SEZ6L: variants seen among roughly 807,000 people sequenced by gnomAD.
SEZ6L encodes the protein seizure 6-like protein.
SEZ6L carries 37 observed loss-of-function variants against 106.2 expected under a neutral mutation model. The ratio of observed to expected loss-of-function variants is 0.35; its 90% confidence interval spans 0.27 to 0.46. SEZ6L has a LOEUF of 0.46. Among genes scored for constraint, SEZ6L ranks in the 20% least tolerant of loss-of-function variants. SEZ6L has a pLI of 1.00. For missense variants in SEZ6L, 1,172 were observed against 1,332.8 expected, an observed-to-expected ratio of 0.88 and a Z score of 1.88; for synonymous variants, 541 against 570.4, an observed-to-expected ratio of 0.95 and a Z score of 0.73.
intron 3 of SEZ6L, among the ~76,000 whole-genome samples, chr22:26,295,904 A>C (rs769953573): frequency 6.6e-6 from 1 of 152,192 alleles, no homozygotes; most frequent in African/African-American, 2.4e-5. Context: ...CAATCAGGGA[A>C]GGTCTCATAG....
chr22:26,284,383 G>A (rs755944899), intron 1 of SEZ6L, among the ~76,000 whole-genome samples: 72 of 152,336 alleles, frequency 4.7e-4, no homozygotes, highest in African/African-American at 5.1e-4. Context: ...AAGGCACATG[G>A]ATCACTTGAG....
chr22:26,281,555 T>G (rs2080770570), intron 1 of SEZ6L, among the ~76,000 whole-genome samples: 1 of 152,026 alleles, frequency 6.6e-6, no homozygotes, highest in East Asian at 1.9e-4. Flanking sequence ...TTTTAAATTT[T>G]TTTTAGTAGA....
chr22:26,301,888 T>C (rs544697015), intron 5 of SEZ6L, among the ~76,000 whole-genome samples: 45 of 152,178 alleles, frequency 3.0e-4, no homozygotes, highest in Non-Finnish European at 6.3e-4. Flanking sequence ...GCTGGGGCAG[T>C]GGTCAGAAAC....
rs149297950 is a variant in SEZ6L, at chr22:26,200,558, A to G, written c.94+30795A>G. Among the ~76,000 whole-genome samples, 11 of 152,252 alleles carry G rather than the reference A, an allele frequency of 7.2e-5. No homozygotes were observed. The East Asian group carries it at 7.7e-4, about 11-fold the overall frequency. ...CTATTTCTGAGCTACTGGAGTCCCTATGTGAGAAGGGGTGGAAGGAGATGA... is the reference window on the plus strand; with the variant it reads ...CTATTTCTGAGCTACTGGAGTCCCTGTGTGAGAAGGGGTGGAAGGAGATGA... On this transcript the variant is annotated intron_variant, in intron 1 of 16. Coordinates refer to ENST00000248933, the MANE Select transcript of SEZ6L (RefSeq NM_021115.5).
chr22:26,307,005 G>A (rs1377894878), intron 6 of SEZ6L, among the ~76,000 whole-genome samples: 2 of 152,178 alleles, frequency 1.3e-5, no homozygotes, highest in Admixed American at 6.5e-5. Flanking sequence ...TAAGCACTAG[G>A]AGGCACATGG....
chr22:26,367,282 G>A (rs2083849883), intron 13 of SEZ6L, among the ~76,000 whole-genome samples: 1 of 151,958 alleles, frequency 6.6e-6, no homozygotes, highest in African/African-American at 2.4e-5. Flanking sequence ...GACAGCTCTC[G>A]CCTTGCCCTA....
chr22:26,317,278 T>A (rs773867264), intron 9 of SEZ6L, among the ~76,000 whole-genome samples: 16 of 152,082 alleles, frequency 1.1e-4, no homozygotes, highest in Non-Finnish European at 2.2e-4. Flanking sequence ...AGCTTATGAA[T>A]TCCTTCCCCC....
At chr22:26,323,462 G>A (rs1006550892) in intron 9 of SEZ6L, among the ~76,000 whole-genome samples, 4 of 152,078 alleles carry the variant, frequency 2.6e-5, no homozygotes, top group East Asian at 1.9e-4. Flanking sequence ...GCAAGACCCC[G>A]TCTCTACAAA....
intron 13 of SEZ6L, among the ~76,000 whole-genome samples, chr22:26,372,235 G>A (rs1481301445): frequency 1.3e-5 from 2 of 152,170 alleles, no homozygotes; most frequent in African/African-American, 2.4e-5. Flanking sequence ...ACAAGTCCCA[G>A]GAATGGCCCA....
chr22:26,290,242 G>A (rs1306164998), intron 1 of SEZ6L, among the ~76,000 whole-genome samples: 2 of 152,148 alleles, frequency 1.3e-5, no homozygotes, highest in Non-Finnish European at 2.9e-5. Flanking sequence ...TCTTTAAAAT[G>A]ACTATTGGGC....
chr22:26,299,106 A>G lies in SEZ6L; in HGVS notation c.1285A>G (p.Lys429Glu), dbSNP rs150343251. ...CCTGGGCTATGAGCTCCAGGGCGCT[A>G]AGATGCTGACATGCATCAATGCCTC... ...CHLGYELQGA[K>E]MLTCINASKP... Residue 429 changes from lysine (K) to glutamate (E), a missense_variant, in exon 5 of 17, where the codon AAG (lysine) becomes GAG (glutamate). Physicochemically the swap from Lys to Glu is moderately conservative, Grantham distance 56 (BLOSUM62 1). Coordinates refer to ENST00000248933, the MANE Select transcript of SEZ6L (RefSeq NM_021115.5). The G allele has an allele frequency of 6.2e-6, 10 of 1,605,770 alleles. No individual in the cohort carries two copies. Among genetic ancestry groups the G allele is most frequent in the Non-Finnish European group, 8.5e-6 (10 of 1,176,502 alleles).
rs79914281 is a variant in SEZ6L, at chr22:26,380,191, A to C, written c.3046-75A>C. On this transcript the variant is annotated intron_variant, in intron 16 of 16. Transcript: ENST00000248933. The stretch of plus-strand genomic sequence containing the variant: ...CAAGGGCATGGACATACAGAGGTGC[A>C]AAGAACTGCATCCCCCTATGTATAT... 4,318 of 1,435,044 alleles carry C rather than the reference A, an allele frequency of 3.0e-3. 116 individuals carry two copies. The African/African-American group carries it at 0.054, about 18-fold the overall frequency. The allele number at this position is 1,435,044 out of a possible 1,614,324, so 88.9% of individuals were successfully genotyped here. A position where few individuals can be genotyped will look rare whatever the true frequency, so the allele number is the denominator to read the frequency against.
intron 1 of SEZ6L, among the ~76,000 whole-genome samples, chr22:26,189,376 C>T (rs1940019627): frequency 6.6e-6 from 1 of 152,184 alleles, no homozygotes; most frequent in African/African-American, 2.4e-5. Flanking sequence ...CTTAATTCCT[C>T]CCAGATTACC....
At chr22:26,348,652 AAGAAAG>A (rs2083127641) in intron 11 of SEZ6L, among the ~76,000 whole-genome samples, 16 of 44,832 alleles carry the variant, frequency 3.6e-4, no homozygotes, top group East Asian at 1.1e-3. Context: ...AAGAAAAAGA[AAGAAAG>A]AAAGAAAGAA....
intron 9 of SEZ6L, among the ~76,000 whole-genome samples, chr22:26,319,861 A>G (rs994846230): frequency 6.6e-6 from 1 of 152,232 alleles, no homozygotes; most frequent in Non-Finnish European, 1.5e-5. Flanking sequence ...AAGTAAATGT[A>G]GCTTGTCAGG....
chr22:26,231,965 G>T (rs894415024), intron 1 of SEZ6L, among the ~76,000 whole-genome samples: 5 of 152,150 alleles, frequency 3.3e-5, no homozygotes, highest in African/African-American at 9.7e-5. Flanking sequence ...AAGGCTACCT[G>T]CCCTGGGGTC....
intron 14 of SEZ6L, 56 bp downstream of exon 14, chr22:26,373,539 A>C: frequency 7.3e-7 from 1 of 1,361,790 alleles, no homozygotes; most frequent in Non-Finnish European, 1.0e-6. Context: ...ATAGCACAAA[A>C]CAAGGGCAGG....
chr22:26,235,743 C>T (rs181540370), intron 1 of SEZ6L, among the ~76,000 whole-genome samples: 1 of 152,270 alleles, frequency 6.6e-6, no homozygotes, highest in African/African-American at 2.4e-5. Context: ...AGTATAGCAG[C>T]TCATACCTGG....
intron 1 of SEZ6L, among the ~76,000 whole-genome samples, chr22:26,240,079 C>G (rs956902650): frequency 2.1e-5 from 3 of 141,060 alleles, no homozygotes; most frequent in African/African-American, 8.2e-5. Flanking sequence ...CACACACACA[C>G]ACACACACAC....
Sources: allele counts gnomAD v4.1 joint callset (sites outside exome capture counted in the v4.1 genomes callset), GRCh38; gene constraint gnomAD v4.1.1; transcripts MANE v1.5; gene names NCBI Gene and HGNC (gene_info 2026-07-23, HGNC 2026-07-21).